Variants in AGBL1 observed in about 807,000 individuals in gnomAD.
AGBL1 encodes the protein AGBL carboxypeptidase 1.
AGBL1 carries 130 observed loss-of-function variants against 118.9 expected under a neutral mutation model. The ratio of observed to expected loss-of-function variants is 1.09; its 90% confidence interval spans 0.95 to 1.26. AGBL1 has a LOEUF of 1.26. AGBL1 is among the 50% of genes most tolerant of loss of function. The pLI, the probability that AGBL1 is intolerant of heterozygous loss-of-function variation, is 0.00. For synonymous variants in AGBL1, 555 were observed against 478.9 expected (o/e 1.16, Z -2.08); for missense variants, 1,584 against 1,298.1 (o/e 1.22, Z -3.38).
intron 18 of AGBL1, among the ~76,000 whole-genome samples, chr15:86,431,656 A>G (rs914124353): frequency 1.3e-5 from 2 of 152,316 alleles, no homozygotes; most frequent in South Asian, 2.1e-4. Context: ...TTATTATGCA[A>G]TGTCTGGTAA....
chr15:86,719,244 T>C (rs1315963504), intron 22 of AGBL1, among the ~76,000 whole-genome samples: 1 of 152,192 alleles, frequency 6.6e-6, no homozygotes, highest in Non-Finnish European at 1.5e-5. Flanking sequence ...CTACAAGAAC[T>C]GGGGTTGGGA....
chr15:86,207,954 C>T (rs1343569741), intron 5 of AGBL1, among the ~76,000 whole-genome samples: 1 of 152,064 alleles, frequency 6.6e-6, no homozygotes, highest in Non-Finnish European at 1.5e-5. Context: ...GAGGGTTTGT[C>T]ATAAACAGCT....
intron 24 of AGBL1, among the ~76,000 whole-genome samples, chr15:87,009,396 A>G (rs2081535784): frequency 6.6e-6 from 1 of 152,234 alleles, no homozygotes; most frequent in Non-Finnish European, 1.5e-5. Context: ...TCCTCTGCCT[A>G]GATTTCAAAT....
At chr15:86,756,892 C>T (rs1036043941) in intron 22 of AGBL1, among the ~76,000 whole-genome samples, 1 of 151,398 alleles carries the variant, frequency 6.6e-6, no homozygotes, top group Non-Finnish European at 1.5e-5. Flanking sequence ...AAATAGCTCC[C>T]TCTGGCTGTA....
chr15:86,296,997 G>A (rs889118350), intron 17 of AGBL1: 10 of 152,032 alleles, frequency 6.6e-5, no homozygotes, highest in African/African-American at 2.2e-4. Flanking sequence ...TTATAAATGT[G>A]GAGAGTATTC....
chr15:86,108,937 A>G (rs1000255809), intron 1 of AGBL1, among the ~76,000 whole-genome samples: 1 of 152,324 alleles, frequency 6.6e-6, no homozygotes, highest in South Asian at 2.1e-4. Context: ...AACCTGGGCA[A>G]CAGAGCAAGA....
intron 17 of AGBL1, among the ~76,000 whole-genome samples, chr15:86,323,762 T>C (rs1454417973): frequency 6.6e-6 from 1 of 152,246 alleles, no homozygotes; most frequent in Non-Finnish European, 1.5e-5. Context: ...TCAGTGTGAC[T>C]TCTGAAACTA....
chr15:86,468,414 C>T (rs1455033760), intron 18 of AGBL1, among the ~76,000 whole-genome samples: 1 of 152,150 alleles, frequency 6.6e-6, no homozygotes, highest in African/African-American at 2.4e-5. Flanking sequence ...TGTAGTTTCC[C>T]AGACCGCACT....
intron 18 of AGBL1, among the ~76,000 whole-genome samples, chr15:86,432,569 C>T (rs1167409537): frequency 2.0e-5 from 3 of 152,168 alleles, no homozygotes; most frequent in African/African-American, 7.2e-5. Flanking sequence ...TTGATGTTGA[C>T]CTTGCTGAGG....
chr15:86,202,449 C>T (rs749006826), intron 5 of AGBL1, among the ~76,000 whole-genome samples: 3 of 152,122 alleles, frequency 2.0e-5, no homozygotes, highest in African/African-American at 4.8e-5. Context: ...AAGACCTGCA[C>T]TGAAAAAGTT....
At chr15:86,443,602 T>C (rs2082088932) in intron 18 of AGBL1, among the ~76,000 whole-genome samples, 1 of 152,142 alleles carries the variant, frequency 6.6e-6, no homozygotes, top group African/African-American at 2.4e-5. Flanking sequence ...CCATTCCCCC[T>C]TTGCCCTTAC....
At chr15:86,656,064 TG>T (rs1264333496) in intron 21 of AGBL1, among the ~76,000 whole-genome samples, 1 of 152,204 alleles carries the variant, frequency 6.6e-6, no homozygotes, top group Admixed American at 6.5e-5. Flanking sequence ...GCATGAAGCA[TG>T]CTTCCAGGCC....
intron 24 of AGBL1, among the ~76,000 whole-genome samples, chr15:87,022,397 C>G (rs555290387): frequency 6.6e-6 from 1 of 151,938 alleles, no homozygotes; most frequent in Non-Finnish European, 1.5e-5. Flanking sequence ...CCCAATCCAA[C>G]GAAGACAAAG....
At chr15:86,586,381 T>C (rs2084248227) in intron 21 of AGBL1, among the ~76,000 whole-genome samples, 1 of 152,180 alleles carries the variant, frequency 6.6e-6, no homozygotes, top group Non-Finnish European at 1.5e-5. Flanking sequence ...GTTCTTATGT[T>C]TGCATGTGTT....
chr15:86,391,893 CT>C (rs1005307572), intron 17 of AGBL1, among the ~76,000 whole-genome samples: 1 of 152,006 alleles, frequency 6.6e-6, no homozygotes, highest in Non-Finnish European at 1.5e-5. Flanking sequence ...TACTACCTTT[CT>C]TTTTTCTTTT....
chr15:86,743,712 G>A (rs1056618272), intron 22 of AGBL1, among the ~76,000 whole-genome samples: 1 of 152,094 alleles, frequency 6.6e-6, no homozygotes, highest in Non-Finnish European at 1.5e-5. Context: ...GGATTCTGAT[G>A]CGGATGATCC....
intron 23 of AGBL1, among the ~76,000 whole-genome samples, chr15:86,980,589 A>G (rs145293683): frequency 2.6e-5 from 4 of 152,324 alleles, no homozygotes; most frequent in East Asian, 1.9e-4. Flanking sequence ...GCTGCAGCAG[A>G]CATATTAGAG....
intron 22 of AGBL1, among the ~76,000 whole-genome samples, chr15:86,788,799 T>C (rs1263143178): frequency 6.6e-6 from 1 of 152,114 alleles, no homozygotes; most frequent in Non-Finnish European, 1.5e-5. Context: ...GTACAAACAT[T>C]TGAGTGAGCT....
intron 22 of AGBL1, among the ~76,000 whole-genome samples, chr15:86,695,494 G>C (rs180798642): frequency 6.6e-6 from 1 of 151,734 alleles, no homozygotes; most frequent in African/African-American, 2.4e-5. Context: ...TCTTTTCTTG[G>C]TTGATCTTGC....
Sources: gnomAD v4.1 joint callset for allele counts (sites outside exome capture counted in the v4.1 genomes callset) on GRCh38, gnomAD v4.1.1 for gene constraint, MANE v1.5 for transcripts, NCBI Gene and HGNC (gene_info 2026-07-23, HGNC 2026-07-21) for gene names.